SMAP2: variants seen among roughly 807,000 people sequenced by gnomAD.
SMAP2 encodes stromal membrane-associated protein 2.
Under a neutral mutation model 56.4 loss-of-function variants are expected in SMAP2, and 25 were observed. The observed-to-expected ratio is 0.44, with a 90% CI of 0.32 to 0.62. SMAP2 has a LOEUF of 0.62. SMAP2 is among the 20% of genes least tolerant of loss of function. The pLI, the probability that SMAP2 is intolerant of heterozygous loss-of-function variation, is 0.04. For synonymous variants in SMAP2, 157 were observed against 181.7 expected, an observed-to-expected ratio of 0.86 and a Z score of 1.09; for missense variants, 388 against 545.6, an observed-to-expected ratio of 0.71 and a Z score of 2.88.
intron 5 of SMAP2, 98 bp from the exon 6 acceptor site, chr1:40,414,061 C>A: frequency 1.0e-6 from 1 of 991,928 alleles, no homozygotes; most frequent in Non-Finnish European, 1.5e-6. Flanking sequence ...TGAATAACAG[C>A]AGCCCTACCC....
upstream of SMAP2, among the ~76,000 whole-genome samples, chr1:40,370,669 A>T (rs1644492504): frequency 8.5e-6 from 1 of 117,954 alleles, no homozygotes; most frequent in Non-Finnish European, 1.7e-5. Context: ...GATCACATGG[A>T]CACAGGAAGG....
intron 1 of SMAP2, among the ~76,000 whole-genome samples, chr1:40,348,765 A>ATTTC (rs556114015): frequency 0.015 from 2,269 of 150,398 alleles, 36 homozygotes; most frequent in Non-Finnish European, 0.022. Flanking sequence ...ATAAAATACT[A>ATTTC]TTTCTTTCTT....
chr1:40,354,811 C>T (rs1644426979), intron 1 of SMAP2, among the ~76,000 whole-genome samples: 1 of 99,376 alleles, frequency 1.0e-5, no homozygotes, highest in Admixed American at 1.6e-4. Context: ...GAGTCTCACT[C>T]TGTCACCCAG....
rs572543778 is a variant in SMAP2, at chr1:40,385,540, T to C, written c.103+11317T>C. Among the ~76,000 whole-genome samples the C allele has an allele frequency of 5.3e-5, 8 of 152,246 alleles. No homozygotes were observed. The highest frequency in any genetic ancestry group is 1.2e-4 in the Non-Finnish European group (8 of 68,042). ...CACCCACAAATCAAATGTGTAATGC[T>C]CTCATTTTATGATGTATTGAAACAG... On this transcript the variant is annotated intron_variant, in intron 1 of 9. Transcript: ENST00000372718. The surrounding 1 kb of genome is among the most constrained non-coding windows in gnomAD (Gnocchi z 4.5).
In SMAP2 at chr1:40,408,928, C is replaced by T. The variant is rs1046056542; in HGVS notation, c.323+190C>T. On this transcript the variant is annotated intron_variant, in intron 3 of 9. Coordinates refer to ENST00000372718, the MANE Select transcript of SMAP2 (RefSeq NM_022733.3). This position sits in a 1 kb window ranked among gnomAD's most constrained non-coding sequence, Gnocchi z 4.3. ...ATTTGTGAATGTCGGAATTGTCATA[C>T]GGTGTCACTTGAAGAAGACTCACTC... Among the ~76,000 whole-genome samples, 5 of 152,162 alleles carry T rather than the reference C, an allele frequency of 3.3e-5. No homozygotes were observed. Among genetic ancestry groups the T allele is most frequent in the Admixed American group, 1.3e-4 (2 of 15,284 alleles).
chr1:40,388,071 G>T (rs1221091228), intron 1 of SMAP2, among the ~76,000 whole-genome samples: 1 of 152,176 alleles, frequency 6.6e-6, no homozygotes, highest in African/African-American at 2.4e-5. Context: ...TTCTCACCGG[G>T]CCTTAGCTGC....
rs144844146 is a variant in SMAP2 at position 40,416,838 on chromosome 1, G to T, written c.906G>T (p.Gly302=). 32 of 1,613,124 alleles carry T rather than the reference G, an allele frequency of 2.0e-5. No individual in the cohort carries two copies. The highest frequency in any genetic ancestry group is 2.5e-5 in the Non-Finnish European group (30 of 1,179,270). ...CCACAGCCTACCCCAGCTTCCCCGG[G>T]GTTACACCTCCTAACAGCATAATGG... The part of the protein sequence containing the change: ...AYPTAYPSFP[G]VTPPNSIMGS... Residue 302 remains glycine (G), a synonymous_variant, in exon 9 of 10, where the codon GGG becomes GGT. Transcript: ENST00000372718.
chr1:40,347,811 T>G (rs372457259), intron 1 of SMAP2, among the ~76,000 whole-genome samples: 3 of 152,236 alleles, frequency 2.0e-5, no homozygotes, highest in African/African-American at 7.2e-5. Context: ...GCTAGTTGCT[T>G]TCCTTTAAAT....
chr1:40,353,805 G>T (rs1644420928), intron 1 of SMAP2, among the ~76,000 whole-genome samples: 1 of 151,462 alleles, frequency 6.6e-6, no homozygotes, highest in Admixed American at 6.6e-5. Context: ...TGGCCAGGGT[G>T]GTCTTGAACA....
At chr1:40,410,154 G>A (rs1644921098) in intron 4 of SMAP2, among the ~76,000 whole-genome samples, 1 of 152,094 alleles carries the variant, frequency 6.6e-6, no homozygotes, top group Admixed American at 6.6e-5. Context: ...GCTGAGGTCG[G>A]AGGATTACGT....
chr1:40,353,125 G>A (rs1557820966), intron 1 of SMAP2, among the ~76,000 whole-genome samples: 1 of 152,202 alleles, frequency 6.6e-6, no homozygotes, highest in Non-Finnish European at 1.5e-5. Context: ...GCAGTTAGAG[G>A]CTGAGCCATG....
intron 1 of SMAP2, chr1:40,393,210 C>G (rs1023251741): frequency 1.0e-6 from 1 of 979,512 alleles, no homozygotes; most frequent in East Asian, 2.7e-5. Context: ...CCTGTAGTCC[C>G]AGCTACTCAA....
chr1:40,366,073 G>A (rs1427705250), intron 2 of SMAP2, among the ~76,000 whole-genome samples: 4 of 150,576 alleles, frequency 2.7e-5, no homozygotes, highest in African/African-American at 4.9e-5. Context: ...CTCAGGAGCC[G>A]ATGCGATCAA....
At chr1:40,390,727 G>C (rs1184141331) in intron 1 of SMAP2, among the ~76,000 whole-genome samples, 2 of 152,194 alleles carry the variant, frequency 1.3e-5, no homozygotes, top group African/African-American at 2.4e-5. Flanking sequence ...GTGTAAAGGT[G>C]ATTCTAATTT....
intron 1 of SMAP2, among the ~76,000 whole-genome samples, chr1:40,352,488 T>C (rs1644413034): frequency 6.6e-6 from 1 of 152,210 alleles, no homozygotes; most frequent in South Asian, 2.1e-4. Flanking sequence ...TTCTTCCTTC[T>C]TTGTTGTTTC....
chr1:40,406,605 C>G, intron 1 of SMAP2, 131 bp from the exon 2 acceptor site: 2 of 947,366 alleles, frequency 2.1e-6, no homozygotes, highest in Non-Finnish European at 3.1e-6. Flanking sequence ...TGAGCAGAGT[C>G]AATAAACAGG....
rs199497983 is a variant in SMAP2 at position 40,374,650 on chromosome 1, G to C, written c.103+427G>C. On this transcript the variant is annotated intron_variant, in intron 1 of 9. Transcript: ENST00000372718. This position sits in a 1 kb window ranked among gnomAD's most constrained non-coding sequence, Gnocchi z 5.9. ...GAGAGAGAGAGAGAGAGAATGACGAGGAGGAGGAGGAGGGAAGTGAGATGG... is the reference window on the plus strand; with the variant it reads ...GAGAGAGAGAGAGAGAGAATGACGACGAGGAGGAGGAGGGAAGTGAGATGG... 3.5e-6 allele frequency: 5 copies of C among 1,413,728 alleles called. No individual in the cohort carries two copies. The African/African-American group carries it at 5.8e-5, about 16-fold the overall frequency. 87.6% of individuals were successfully genotyped at this position (1,413,728 alleles called of 1,614,324 possible). A position where few individuals can be genotyped will look rare whatever the true frequency, so the allele number is the denominator to read the frequency against.
intron 1 of SMAP2, among the ~76,000 whole-genome samples, chr1:40,356,649 A>G (rs1644437871): frequency 6.6e-6 from 1 of 152,074 alleles, no homozygotes. Context: ...TAACTTTGTG[A>G]GCCGCCCGCC....
At chr1:40,352,516 TATTTTAATTTA>T (rs1644413235) in intron 1 of SMAP2, among the ~76,000 whole-genome samples, 1 of 152,124 alleles carries the variant, frequency 6.6e-6, no homozygotes, top group Non-Finnish European at 1.5e-5. Context: ...CATTTTAAAA[TATTTTAATTTA>T]AAAAGTTTTT....
Sources: gnomAD v4.1 joint callset for allele counts (sites outside exome capture counted in the v4.1 genomes callset) on GRCh38, gnomAD v4.1.1 for gene constraint, Gnocchi (gnomAD v3.1) non-coding constraint, MANE v1.5 for transcripts, NCBI Gene and HGNC (gene_info 2026-07-23, HGNC 2026-07-21) for gene names.